The following SMYD3 variants were observed in gnomAD, a reference collection of about 807,000 sequenced individuals.
The protein encoded by SMYD3 is histone-lysine N-methyltransferase SMYD3.
Under a neutral mutation model 57.7 loss-of-function variants are expected in SMYD3, and 36 were observed. The ratio of observed to expected loss-of-function variants is 0.62; its 90% CI spans 0.48 to 0.82. SMYD3 has a LOEUF of 0.82. Ranked by LOEUF, SMYD3 falls within the 40% of genes least tolerant of loss-of-function variation. The pLI is 0.00. For synonymous variants in SMYD3, 211 were observed against 195.0 expected (o/e 1.08, Z -0.68); for missense variants, 515 against 538.8 (o/e 0.96, Z 0.44).
Position 246,007,631 on chromosome 1 carries a change from G to A in SMYD3, c.532-77694C>T, listed in dbSNP as rs529218705. Reference sequence around the variant, plus strand: ...TTGAGACCAGCCTGGGCAACACGGCGAAACCCCATTCTACCAAAAATAGAA... The same window carrying A: ...TTGAGACCAGCCTGGGCAACACGGCAAAACCCCATTCTACCAAAAATAGAA... On this transcript the variant is annotated intron_variant, in intron 5 of 11. Coordinates refer to ENST00000490107, the MANE Select transcript of SMYD3 (RefSeq NM_001167740.2). Among the ~76,000 whole-genome samples, 11 of 148,832 alleles carry A rather than the reference G, an allele frequency of 7.4e-5. 1 individual carries two copies. In the Middle Eastern group the frequency reaches 0.01, roughly 139 times the overall value.
intron 1 of SMYD3, among the ~76,000 whole-genome samples, chr1:246,453,102 C>A (rs567635398): frequency 6.6e-6 from 1 of 152,294 alleles, no homozygotes; most frequent in South Asian, 2.1e-4. Context: ...TTCATATAAT[C>A]GTCATAATAA....
At chr1:246,318,869 T>C (rs182784018) in intron 5 of SMYD3, among the ~76,000 whole-genome samples, 1 of 152,344 alleles carries the variant, frequency 6.6e-6, no homozygotes, top group Admixed American at 6.5e-5. Flanking sequence ...TTCAGAAGTT[T>C]AGCTGGCATC....
At chr1:246,362,716 G>A (rs983409022) in intron 1 of SMYD3, among the ~76,000 whole-genome samples, 1 of 152,270 alleles carries the variant, frequency 6.6e-6, no homozygotes, top group Non-Finnish European at 1.5e-5. Context: ...GCCAGCCTCG[G>A]CCTCCCGGAG....
chr1:246,420,724 A>G (rs1414799934), intron 1 of SMYD3, among the ~76,000 whole-genome samples: 1 of 152,248 alleles, frequency 6.6e-6, no homozygotes, highest in African/African-American at 2.4e-5. Context: ...AATCTTCAAA[A>G]AAGTATTAAA....
chr1:245,864,017 G>T, intron 8 of SMYD3, 131 bp from the exon 9 acceptor site: 1 of 758,800 alleles, frequency 1.3e-6, no homozygotes, highest in South Asian at 1.8e-5. Context: ...TTATCATCAG[G>T]GAAATATATA....
intron 5 of SMYD3, among the ~76,000 whole-genome samples, chr1:246,211,444 T>C (rs2063086329): frequency 6.6e-6 from 1 of 152,126 alleles, no homozygotes; most frequent in Non-Finnish European, 1.5e-5. Flanking sequence ...GTCATGTTCT[T>C]ATTAACCAAT....
chr1:246,337,932 A>C (rs2065571267), intron 2 of SMYD3, among the ~76,000 whole-genome samples: 1 of 150,802 alleles, frequency 6.6e-6, no homozygotes, highest in African/African-American at 2.5e-5. Flanking sequence ...AATTCCTGTT[A>C]AAACAACTTT....
chr1:245,951,457 T>G, intron 5 of SMYD3, among the ~76,000 whole-genome samples: 1 of 137,260 alleles, frequency 7.3e-6, no homozygotes. Flanking sequence ...TAGTCCCAGC[T>G]ACTCGGGAGG....
At chr1:245,889,489 T>A (rs10754481) in intron 8 of SMYD3, among the ~76,000 whole-genome samples, 1 of 152,164 alleles carries the variant, frequency 6.6e-6, no homozygotes, top group Non-Finnish European at 1.5e-5. Flanking sequence ...ACTGAAGAGG[T>A]CTGTTTTCAG....
At chr1:246,010,224 T>C (rs2059258160) in intron 5 of SMYD3, among the ~76,000 whole-genome samples, 1 of 151,962 alleles carries the variant, frequency 6.6e-6, no homozygotes, top group Non-Finnish European at 1.5e-5. Context: ...TGAGAAACAA[T>C]ACAGAATCGT....
chr1:246,154,766 T>C (rs1454014201), intron 5 of SMYD3, among the ~76,000 whole-genome samples: 1 of 151,922 alleles, frequency 6.6e-6, no homozygotes, highest in Non-Finnish European at 1.5e-5. Context: ...AATGTTTTTT[T>C]TTTGTTTTGT....
At chr1:246,104,474 G>A (rs1558231817) in intron 5 of SMYD3, among the ~76,000 whole-genome samples, 1 of 152,120 alleles carries the variant, frequency 6.6e-6, no homozygotes, top group Non-Finnish European at 1.5e-5. Flanking sequence ...AATGTGACAC[G>A]GCTGATCCAT....
chr1:246,366,551 G>A (rs1048440776), intron 1 of SMYD3, among the ~76,000 whole-genome samples: 4 of 148,230 alleles, frequency 2.7e-5, no homozygotes, highest in African/African-American at 7.5e-5. Flanking sequence ...CAGACAGTAC[G>A]AGAAAACCTT....
At chr1:245,806,960 G>GT (rs2048208012) in intron 10 of SMYD3, among the ~76,000 whole-genome samples, 1 of 144,342 alleles carries the variant, frequency 6.9e-6, no homozygotes, top group East Asian at 2.1e-4. Flanking sequence ...GAGAAAAATG[G>GT]TAAGACATAT....
chr1:246,409,311 C>T (rs1305958218), intron 1 of SMYD3, among the ~76,000 whole-genome samples: 1 of 152,180 alleles, frequency 6.6e-6, no homozygotes, highest in Non-Finnish European at 1.5e-5. Flanking sequence ...GGTTTTAGGT[C>T]TGACATGTAA....
chr1:245,777,818 T>C (rs1161314681), intron 10 of SMYD3, among the ~76,000 whole-genome samples: 2 of 152,208 alleles, frequency 1.3e-5, no homozygotes, highest in Admixed American at 6.5e-5. Flanking sequence ...ACTCTGCAGC[T>C]GAAGTCCAAG....
intron 5 of SMYD3, among the ~76,000 whole-genome samples, chr1:246,188,768 CTGGGCAACA>C (rs934390003): frequency 1.3e-5 from 2 of 151,894 alleles, no homozygotes; most frequent in Non-Finnish European, 2.9e-5. Context: ...TGAGATCAGC[CTGGGCAACA>C]TGGTGAGACC....
At chr1:246,396,118 A>T (rs1271967707) in intron 1 of SMYD3, among the ~76,000 whole-genome samples, 1 of 152,204 alleles carries the variant, frequency 6.6e-6, no homozygotes, top group Non-Finnish European at 1.5e-5. Flanking sequence ...GGGCCTTAGG[A>T]ACACACCCCA....
intron 5 of SMYD3, among the ~76,000 whole-genome samples, chr1:246,086,684 A>C (rs1035575700): frequency 6.6e-6 from 1 of 151,650 alleles, no homozygotes; most frequent in Non-Finnish European, 1.5e-5. Context: ...ACCATATGAC[A>C]CCTAAAATGC....
Sources: allele counts gnomAD v4.1 joint callset (sites outside exome capture counted in the v4.1 genomes callset), GRCh38; gene constraint gnomAD v4.1.1; transcripts MANE v1.5; gene names NCBI Gene and HGNC (gene_info 2026-07-23, HGNC 2026-07-21).